GMDS: variants seen among roughly 807,000 people sequenced by gnomAD.
GMDS encodes the protein GDP-mannose 4,6 dehydratase.
Under a neutral mutation model 49.9 loss-of-function variants are expected in GMDS, and 20 were observed. That is an observed-to-expected ratio of 0.40 (90% CI 0.28 to 0.58). GMDS has a LOEUF of 0.58. Among genes scored for constraint, GMDS ranks in the 20% least tolerant of loss-of-function variants. GMDS has a pLI of 0.42. For missense variants in GMDS, 362 were observed against 481.4 expected (o/e 0.75, Z 2.32); for synonymous variants, 177 against 178.6 (o/e 0.99, Z 0.07).
At chr6:1,654,048 CCAT>C (rs1474714101) in intron 9 of GMDS, among the ~76,000 whole-genome samples, 2 of 152,084 alleles carry the variant, frequency 1.3e-5, no homozygotes, top group Non-Finnish European at 2.9e-5. Context: ...GTCAAAACCA[CCAT>C]GAGATACCAT....
At chr6:1,824,011 T>G (rs1771002122) in intron 7 of GMDS, among the ~76,000 whole-genome samples, 1 of 152,232 alleles carries the variant, frequency 6.6e-6, no homozygotes, top group East Asian at 1.9e-4. Flanking sequence ...GGCCTCCTCC[T>G]AAGAACATCC....
At chr6:2,178,793 CT>C (rs1778396698) in intron 1 of GMDS, among the ~76,000 whole-genome samples, 2 of 152,156 alleles carry the variant, frequency 1.3e-5, no homozygotes, top group Non-Finnish European at 2.9e-5. Context: ...TTTAATTCCC[CT>C]TTTTCAATGT....
intron 9 of GMDS, among the ~76,000 whole-genome samples, chr6:1,685,952 C>T (rs1159495854): frequency 1.3e-5 from 2 of 152,108 alleles, no homozygotes; most frequent in Non-Finnish European, 2.9e-5. Flanking sequence ...CGTGCATGCC[C>T]GAATCTTAAT....
intron 7 of GMDS, among the ~76,000 whole-genome samples, chr6:1,815,373 T>G (rs949395187): frequency 2.6e-5 from 4 of 152,168 alleles, no homozygotes; most frequent in African/African-American, 7.2e-5. Flanking sequence ...TGGAGAAAAA[T>G]AGTTACAGCA....
chr6:2,003,427 G>A (rs1199376977), intron 4 of GMDS, among the ~76,000 whole-genome samples: 1 of 152,148 alleles, frequency 6.6e-6, no homozygotes, highest in Non-Finnish European at 1.5e-5. Context: ...GAAATGACTA[G>A]TGTAAACAAT....
At chr6:1,747,054 C>T (rs1012964700) in intron 7 of GMDS, among the ~76,000 whole-genome samples, 3 of 152,040 alleles carry the variant, frequency 2.0e-5, no homozygotes, top group African/African-American at 7.2e-5. Context: ...TCACAGTCTC[C>T]CATTTGGTAA....
intron 1 of GMDS, among the ~76,000 whole-genome samples, chr6:2,244,536 C>T (rs1781769641): frequency 6.6e-6 from 1 of 152,148 alleles, no homozygotes; most frequent in Non-Finnish European, 1.5e-5. Flanking sequence ...ACACAGCGGT[C>T]GGATCCCACC....
At chr6:1,841,177 T>G (rs944673249) in intron 7 of GMDS, among the ~76,000 whole-genome samples, 1 of 152,186 alleles carries the variant, frequency 6.6e-6, no homozygotes, top group Non-Finnish European at 1.5e-5. Context: ...GTCATGGGCA[T>G]TTACCTTTAA....
intron 7 of GMDS, among the ~76,000 whole-genome samples, chr6:1,757,318 A>G (rs1767985638): frequency 6.6e-6 from 1 of 152,170 alleles, no homozygotes; most frequent in African/African-American, 2.4e-5. Context: ...ACTTCCCAGA[A>G]GTGGTTGTTT....
intron 8 of GMDS, among the ~76,000 whole-genome samples, chr6:1,738,015 T>G (rs201543681): frequency 3.6e-4 from 17 of 47,110 alleles, no homozygotes; most frequent in Admixed American, 2.6e-3. Context: ...CAGACACACA[T>G]ACACACATAC....
At chr6:1,688,380 G>T (rs938344403) in intron 9 of GMDS, among the ~76,000 whole-genome samples, 1 of 152,216 alleles carries the variant, frequency 6.6e-6, no homozygotes, top group Non-Finnish European at 1.5e-5. Flanking sequence ...CTATGGTCAC[G>T]CACGTGGAGC....
At chr6:2,088,417 T>A (rs1773132016) in intron 4 of GMDS, among the ~76,000 whole-genome samples, 1 of 152,168 alleles carries the variant, frequency 6.6e-6, no homozygotes, top group African/African-American at 2.4e-5. Flanking sequence ...AGATAATACG[T>A]GGAAAGACCT....
rs148656497 is a variant in GMDS at position 1,766,398 on chromosome 6, C to T, written c.772-23812G>A. ...GTTAGAACCCACACCTTCCGTCTCC[C>T]GGGCCAGGTCTCTTTGTAGGCCACC... On this transcript the variant is annotated intron_variant, in intron 7 of 10. Coordinates refer to ENST00000380815, the MANE Select transcript of GMDS (RefSeq NM_001500.4). The surrounding 1 kb of genome is among the most constrained non-coding windows in gnomAD (Gnocchi z 4.5). Among the ~76,000 whole-genome samples, 6 of 152,224 alleles carry T rather than the reference C, an allele frequency of 3.9e-5. No individual in the cohort carries two copies. The highest frequency in any genetic ancestry group is 2.0e-4 in the Admixed American group (3 of 15,290).
At chr6:2,217,466 T>C (rs1157901714) in intron 1 of GMDS, among the ~76,000 whole-genome samples, 1 of 152,070 alleles carries the variant, frequency 6.6e-6, no homozygotes, top group African/African-American at 2.4e-5. Flanking sequence ...TGGTTTGTTG[T>C]TTAACTTTAA....
At chr6:2,198,147 CA>C (rs1382710323) in intron 1 of GMDS, among the ~76,000 whole-genome samples, 1 of 152,172 alleles carries the variant, frequency 6.6e-6, no homozygotes, top group East Asian at 1.9e-4. Context: ...AGCCTGAGAC[CA>C]GGACCAGCCA....
chr6:2,098,494 CTTTA>C (rs1331192504), intron 4 of GMDS, among the ~76,000 whole-genome samples: 2 of 152,122 alleles, frequency 1.3e-5, no homozygotes, highest in Non-Finnish European at 2.9e-5. Flanking sequence ...TAGTTTATAA[CTTTA>C]TTTAGAAACA....
intron 4 of GMDS, among the ~76,000 whole-genome samples, chr6:2,030,161 ACTG>A (rs1452016449): frequency 6.6e-6 from 1 of 152,214 alleles, no homozygotes; most frequent in East Asian, 1.9e-4. Flanking sequence ...ACTGCTGGTT[ACTG>A]TCCATCTCCT....
intron 1 of GMDS, among the ~76,000 whole-genome samples, chr6:2,179,078 G>A (rs1778407853): frequency 6.6e-6 from 1 of 152,192 alleles, no homozygotes; most frequent in South Asian, 2.1e-4. Context: ...TCCACGGGAT[G>A]AGAAATAAAT....
At chr6:2,046,177 C>T (rs1385082651) in intron 4 of GMDS, among the ~76,000 whole-genome samples, 3 of 152,154 alleles carry the variant, frequency 2.0e-5, no homozygotes, top group Non-Finnish European at 4.4e-5. Flanking sequence ...CATGCCACTG[C>T]ACTCCAGCCT....
Sources: allele counts gnomAD v4.1 joint callset (sites outside exome capture counted in the v4.1 genomes callset), GRCh38; gene constraint gnomAD v4.1.1; non-coding constraint Gnocchi (gnomAD v3.1); transcripts MANE v1.5; gene names NCBI Gene and HGNC (gene_info 2026-07-23, HGNC 2026-07-21).